ANAPC1: variants seen among roughly 807,000 people sequenced by gnomAD.
ANAPC1 encodes the protein anaphase-promoting complex subunit 1.
A neutral mutation model predicts 208.0 loss-of-function variants in ANAPC1; 36 were observed. The observed-to-expected ratio is 0.17, with a 90% CI of 0.13 to 0.23. The LOEUF (loss-of-function observed/expected upper bound fraction) is 0.23. ANAPC1 is among the 10% of genes least tolerant of loss of function. The pLI, the probability that ANAPC1 is intolerant of heterozygous loss-of-function variation, is 1.00. For synonymous variants in ANAPC1, 378 were observed against 695.2 expected (o/e 0.54, Z 7.18); for missense variants, 942 against 2,011.6 (o/e 0.47, Z 10.17).
intron 1 of ANAPC1, 48 bp from the exon 2 acceptor site, chr2:111,880,897 GAATAA>G (rs1426004377): frequency 6.9e-7 from 1 of 1,456,646 alleles, no homozygotes; most frequent in East Asian, 2.3e-5. Flanking sequence ...CTCAAAACTA[GAATAA>G]AAATACCATA....
intron 47 of ANAPC1, among the ~76,000 whole-genome samples, chr2:111,771,420 A>G (rs545968214): frequency 6.6e-6 from 1 of 152,170 alleles, no homozygotes; most frequent in African/African-American, 2.4e-5. Flanking sequence ...GTGTTCCTCA[A>G]GTTCTAGGCT....
intron 45 of ANAPC1, among the ~76,000 whole-genome samples, chr2:111,778,056 C>A (rs1326042666): frequency 1.3e-5 from 2 of 152,262 alleles, no homozygotes; most frequent in East Asian, 3.8e-4. Flanking sequence ...AACTCCAAAT[C>A]TGGGTCTGAA....
At chr2:111,841,304 G>A (rs901000017) in intron 17 of ANAPC1, among the ~76,000 whole-genome samples, 2 of 151,954 alleles carry the variant, frequency 1.3e-5, no homozygotes, top group African/African-American at 4.8e-5. Flanking sequence ...ATTCCAGTTG[G>A]GGGAGGAAGG....
intron 10 of ANAPC1, among the ~76,000 whole-genome samples, chr2:111,860,869 G>A (rs958206741): frequency 4.0e-5 from 6 of 151,852 alleles, no homozygotes; most frequent in African/African-American, 1.5e-4. Context: ...TTGGGAAAAG[G>A]CCTATATACT....
intron 20 of ANAPC1, 90 bp downstream of exon 20, chr2:111,833,130 T>C: frequency 6.9e-7 from 1 of 1,441,036 alleles, no homozygotes. Context: ...AAGCTAATGG[T>C]AAGAAATACA....
intron 16 of ANAPC1, among the ~76,000 whole-genome samples, chr2:111,845,865 C>A (rs1044135744): frequency 6.6e-6 from 1 of 150,960 alleles, no homozygotes; most frequent in African/African-American, 2.4e-5. Flanking sequence ...GTCCCAGCTA[C>A]TCGGGAGGCT....
intron 21 of ANAPC1, among the ~76,000 whole-genome samples, chr2:111,826,247 T>A (rs10190220): frequency 0.075 from 11,398 of 152,204 alleles, 593 homozygotes; most frequent in South Asian, 0.21. Flanking sequence ...CCATTTTAGG[T>A]GTACAGCTCT....
chr2:111,788,090 A>G, intron 39 of ANAPC1, 144 bp downstream of exon 39: 1 of 1,243,052 alleles, frequency 8.0e-7, no homozygotes, highest in Non-Finnish European at 1.1e-6. Flanking sequence ...TAATTTTCTT[A>G]AAAGATTTAG....
At chr2:111,830,955 T>A (rs978221082) in intron 21 of ANAPC1, among the ~76,000 whole-genome samples, 3 of 152,344 alleles carry the variant, frequency 2.0e-5, no homozygotes, top group Admixed American at 6.5e-5. Context: ...GCTGACAGCA[T>A]CTATATTTAC....
rs1217788401 is a variant in ANAPC1 at position 111,825,145 on chromosome 2, T to C, written c.2727A>G (p.Glu909=). The change falls in exon 23 of 48, where the codon GAA becomes GAG. Residue 909 remains glutamate, a synonymous_variant. Transcript: ENST00000341068. ...ATAAAAGTCACCTGTTTTCCTCTTG[T>C]TCTACTTGCAACTTCTGGGGGGCTA... ...ITIAPQKLQV[E]QEENRFSFRH... 1.1e-5 allele frequency: 17 copies of C among 1,613,724 alleles called. No homozygotes were observed. The Admixed American group carries it at 2.8e-4, about 27-fold the overall frequency.
intron 5 of ANAPC1, 104 bp from the exon 6 acceptor site, chr2:111,872,816 T>C (rs1201392881): frequency 9.5e-6 from 7 of 736,274 alleles, no homozygotes; most frequent in Middle Eastern, 2.4e-4. Flanking sequence ...AATTTAGTAA[T>C]AGCTTTACAA....
intron 13 of ANAPC1, 97 bp downstream of exon 13, chr2:111,856,517 T>C (rs776556872): frequency 7.4e-6 from 9 of 1,219,224 alleles, no homozygotes; most frequent in African/African-American, 1.5e-5. Context: ...GACAGGAACA[T>C]AACAAATTTA....
At chr2:111,843,820 CTTTTTTTTT>C (rs369036574) in intron 16 of ANAPC1, among the ~76,000 whole-genome samples, 18 of 86,828 alleles carry the variant, frequency 2.1e-4, no homozygotes, top group Non-Finnish European at 2.0e-5. Flanking sequence ...CTGAAGACAG[CTTTTTTTTT>C]TTTTTTTTTT....
intron 10 of ANAPC1, among the ~76,000 whole-genome samples, chr2:111,859,115 C>G (rs1244147422): frequency 6.6e-6 from 1 of 152,206 alleles, no homozygotes; most frequent in Non-Finnish European, 1.5e-5. Flanking sequence ...TCTACCCCCT[C>G]TCCTTCTCAG....
chr2:111,828,617 A>G (rs550125683), intron 21 of ANAPC1, among the ~76,000 whole-genome samples: 69 of 152,380 alleles, frequency 4.5e-4, no homozygotes, highest in African/African-American at 1.5e-3. Context: ...TACTGCCTTT[A>G]AAACAATGTA....
Position 111,833,238 on chromosome 2 carries a change from C to T in ANAPC1, c.2458G>A (p.Val820Met), listed in dbSNP as rs757683496. The T allele has an allele frequency of 3.8e-6, 6 of 1,599,432 alleles. No individual in the cohort carries two copies. The South Asian group carries it at 6.7e-5, about 18-fold the overall frequency. ...TACTTACCTGGATCAATTGTGCACACTTGTCCAGTAGTTCTGACAAGCGTT... is the reference window on the plus strand; with the variant it reads ...TACTTACCTGGATCAATTGTGCACATTTGTCCAGTAGTTCTGACAAGCGTT... ...YPTLVRTTGQ[V>M]CTIDPGQTGF... Residue 820 changes from valine to methionine, a missense_variant, in exon 20 of 48, where the codon GTG becomes ATG. Coordinates refer to ENST00000341068, the MANE Select transcript of ANAPC1 (RefSeq NM_022662.4).
downstream of ANAPC1, chr2:111,767,138 C>T (rs1217319970): frequency 8.1e-6 from 3 of 368,324 alleles, no homozygotes; most frequent in Non-Finnish European, 1.7e-5. Flanking sequence ...AAAAGATGGG[C>T]ATAGGGAATT....
At chr2:111,849,638 T>C (rs1472673655) in intron 14 of ANAPC1, among the ~76,000 whole-genome samples, 1 of 152,106 alleles carries the variant, frequency 6.6e-6, no homozygotes, top group East Asian at 1.9e-4. Flanking sequence ...CACATCACCT[T>C]TCCCCAGCCC....
intron 5 of ANAPC1, 192 bp downstream of exon 5, chr2:111,873,116 A>C: frequency 1.6e-6 from 1 of 630,462 alleles, no homozygotes; most frequent in East Asian, 3.1e-5. Flanking sequence ...AATTTACTTC[A>C]CTAAATAACT....
Sources: allele counts gnomAD v4.1 joint callset (sites outside exome capture counted in the v4.1 genomes callset), GRCh38; gene constraint gnomAD v4.1.1; transcripts MANE v1.5; gene names NCBI Gene and HGNC (gene_info 2026-07-23, HGNC 2026-07-21).